ARVCF: variants seen among roughly 807,000 people sequenced by gnomAD.
ARVCF encodes the protein ARVCF delta catenin family member.
In ARVCF, 66 loss-of-function variants were observed where a neutral mutation model predicts 90.9. The ratio of observed to expected loss-of-function variants is 0.73; its 90% CI spans 0.60 to 0.89. The LOEUF is 0.89. Ranked by LOEUF, ARVCF falls within the 40% of genes least tolerant of loss-of-function variation. The pLI, the probability that ARVCF is intolerant of heterozygous loss-of-function variation, is 0.00. For missense variants in ARVCF, 1,469 were observed against 1,382.3 expected (o/e 1.06, Z -1.00); for synonymous variants, 653 against 603.4 (o/e 1.08, Z -1.21).
In ARVCF at chr22:19,973,637, C is replaced by A; in HGVS notation, c.2239+6G>T. ...GCCCAGGCGTGGGCTTTGCAGGCGT[C>A]CTCACCGATGAGGTCTTTGTTGCGC... On this transcript the variant is annotated splice_donor_region_variant and intron_variant, in intron 13 of 19. Coordinates refer to ENST00000263207, the MANE Select transcript of ARVCF (RefSeq NM_001670.3). The A allele has an allele frequency of 6.2e-7, 1 of 1,602,034 alleles. No individual in the cohort carries two copies. Among genetic ancestry groups the A allele is most frequent in the Non-Finnish European group, 8.5e-7 (1 of 1,173,870 alleles).
At chr22:20,008,055 T>C (rs1028815548) in intron 2 of ARVCF, among the ~76,000 whole-genome samples, 6 of 152,140 alleles carry the variant, frequency 3.9e-5, no homozygotes, top group African/African-American at 1.4e-4. Flanking sequence ...ATATGAAACA[T>C]TTTTGACATC....
intron 13 of ARVCF, 34 bp from the exon 14 acceptor site, chr22:19,973,351 C>A: frequency 6.5e-7 from 1 of 1,549,648 alleles, no homozygotes; most frequent in South Asian, 1.2e-5. Flanking sequence ...GAACACACCT[C>A]TGCCCCACCT....
At chr22:20,004,724 A>T (rs1208528161) in intron 2 of ARVCF, among the ~76,000 whole-genome samples, 1 of 152,230 alleles carries the variant, frequency 6.6e-6, no homozygotes, top group African/African-American at 2.4e-5. Flanking sequence ...TAGAATACAG[A>T]GCCCAGAAAC....
chr22:20,000,619 T>C (rs371273093), intron 2 of ARVCF, among the ~76,000 whole-genome samples: 33 of 152,214 alleles, frequency 2.2e-4, no homozygotes, highest in African/African-American at 7.7e-4. Context: ...TACTGGCACA[T>C]GTGTGCAGCC....
chr22:19,968,602 G>C (rs773064787), downstream of ARVCF: 22 of 1,613,962 alleles, frequency 1.4e-5, no homozygotes, highest in Non-Finnish European at 1.8e-5. Context: ...AGGTGCGCCA[G>C]ACTTCCTAGC....
chr22:19,995,457 C>T (rs866872218), intron 2 of ARVCF, among the ~76,000 whole-genome samples: 3 of 151,982 alleles, frequency 2.0e-5, no homozygotes, highest in African/African-American at 4.8e-5. Context: ...GGGAAAGCCC[C>T]GGCCCGCAAA....
chr22:19,966,832 T>G, downstream of ARVCF: 2 of 628,838 alleles, frequency 3.2e-6, no homozygotes, highest in Non-Finnish European at 4.0e-6. Context: ...GCAACCTCTG[T>G]GAGGCTCCAA....
intron 6 of ARVCF, 68 bp from the exon 7 acceptor site, chr22:19,979,148 C>T (rs1429878710): frequency 4.0e-5 from 60 of 1,514,752 alleles, no homozygotes; most frequent in South Asian, 2.7e-4. Flanking sequence ...CAGGTGGCCA[C>T]GCTCAGGACC....
rs1943005779 is a variant in ARVCF at position 19,974,047 on chromosome 22, A to C, written c.2088+65T>G. The C allele has an allele frequency of 7.1e-6, 11 of 1,554,874 alleles. No individual in the cohort carries two copies. The South Asian group carries it at 1.2e-4, about 17-fold the overall frequency. On this transcript the variant is annotated intron_variant, in intron 12 of 19. Coordinates refer to ENST00000263207, the MANE Select transcript of ARVCF (RefSeq NM_001670.3). ...CCCCGCCAGCCGAGGCAGGAGCTGCACCAGTGAGGTGCCTGGGATTCCCTC... is the reference window on the plus strand; with the variant it reads ...CCCCGCCAGCCGAGGCAGGAGCTGCCCCAGTGAGGTGCCTGGGATTCCCTC...
downstream of ARVCF, among the ~76,000 whole-genome samples, chr22:19,968,040 G>C (rs535897884): frequency 3.9e-4 from 59 of 152,272 alleles, no homozygotes; most frequent in Admixed American, 3.1e-3. Flanking sequence ...GGGATGTCCA[G>C]AACTGACCCC....
intron 2 of ARVCF, among the ~76,000 whole-genome samples, chr22:19,992,681 C>T (rs938189643): frequency 1.3e-5 from 2 of 152,212 alleles, no homozygotes; most frequent in Non-Finnish European, 2.9e-5. Flanking sequence ...CCTTGGATGG[C>T]AACAATCAGG....
At chr22:20,009,710 A>G (rs1460485071) in intron 2 of ARVCF, among the ~76,000 whole-genome samples, 3 of 152,152 alleles carry the variant, frequency 2.0e-5, no homozygotes, top group Non-Finnish European at 4.4e-5. Flanking sequence ...GTCCTGGGGG[A>G]CATGGACCAC....
At chr22:20,013,637 G>A (rs1323473010) in intron 1 of ARVCF, among the ~76,000 whole-genome samples, 3 of 152,166 alleles carry the variant, frequency 2.0e-5, no homozygotes, top group South Asian at 2.1e-4. Context: ...TGCCAGAGGC[G>A]GCAGCCCCTC....
intron 2 of ARVCF, among the ~76,000 whole-genome samples, chr22:20,004,926 C>A (rs992994647): frequency 1.3e-5 from 2 of 152,136 alleles, no homozygotes; most frequent in Admixed American, 6.5e-5. Flanking sequence ...AGACCTCAAA[C>A]TATAAAACTC....
At chr22:19,982,649 C>T (rs1366387521) in intron 3 of ARVCF, among the ~76,000 whole-genome samples, 2 of 150,060 alleles carry the variant, frequency 1.3e-5, no homozygotes, top group African/African-American at 4.8e-5. Flanking sequence ...GTTCCCGCCA[C>T]CAACGCCAGC....
At chr22:20,013,181 C>T (rs964683223) in intron 1 of ARVCF, among the ~76,000 whole-genome samples, 10 of 152,266 alleles carry the variant, frequency 6.6e-5, no homozygotes, top group African/African-American at 2.2e-4. Flanking sequence ...TACAGCAAAA[C>T]CGAGTGTTCT....
chr22:19,965,929 C>T (rs1157094989), downstream of ARVCF, among the ~76,000 whole-genome samples: 3 of 152,196 alleles, frequency 2.0e-5, no homozygotes, highest in East Asian at 1.9e-4. Flanking sequence ...AGAGAGCTGG[C>T]ACTCAGCCAG....
rs908191559 is a variant in ARVCF, at chr22:20,004,455, TC to T, written c.-19+5999del. Among the ~76,000 whole-genome samples, 6 of 149,412 alleles carry T rather than the reference TC, an allele frequency of 4.0e-5. No individual in the cohort carries two copies. In the Admixed American group the frequency reaches 4.0e-4, roughly 10 times the overall value. ...GTAAGCTAGGATCACACCATTGCAT[TC>T]CAGCCTAGATGACAGAACAAGACCT... On this transcript the variant is annotated intron_variant, in intron 2 of 19. Transcript: ENST00000263207.
chr22:19,967,997 T>A (rs186490696), downstream of ARVCF, among the ~76,000 whole-genome samples: 24 of 152,206 alleles, frequency 1.6e-4, no homozygotes, highest in African/African-American at 5.3e-4. Flanking sequence ...CAGGCACTGG[T>A]GAAGATGGGG....
Sources: allele counts gnomAD v4.1 joint callset (sites outside exome capture counted in the v4.1 genomes callset), GRCh38; gene constraint gnomAD v4.1.1; transcripts MANE v1.5; gene names NCBI Gene and HGNC (gene_info 2026-07-23, HGNC 2026-07-21).